The following CCT8 variants were observed in gnomAD, a reference collection of about 807,000 sequenced individuals.
CCT8 encodes the protein T-complex protein 1 subunit theta.
Under a neutral mutation model 65.7 loss-of-function variants are expected in CCT8, and 10 were observed. The ratio of observed to expected loss-of-function variants is 0.15; its 90% confidence interval spans 0.09 to 0.26. The LOEUF is 0.26. Ranked by LOEUF, CCT8 falls within the 10% of genes least tolerant of loss-of-function variation. The pLI is 1.00. For synonymous variants in CCT8, 199 were observed against 221.8 expected, an observed-to-expected ratio of 0.90 and a Z score of 0.92; for missense variants, 568 against 669.1, an observed-to-expected ratio of 0.85 and a Z score of 1.67.
intron 4 of CCT8, 73 bp downstream of exon 4, chr21:29,067,483 T>G (rs2085636797): frequency 1.6e-6 from 2 of 1,221,066 alleles, no homozygotes; most frequent in Non-Finnish European, 2.2e-6. Flanking sequence ...TAATAATGAT[T>G]TTAGTTTATG....
intron 7 of CCT8, 117 bp downstream of exon 7, chr21:29,064,851 T>C (rs1480243375): frequency 2.5e-6 from 2 of 791,142 alleles, no homozygotes; most frequent in Non-Finnish European, 4.0e-6. Context: ...CATAAAAAAA[T>C]AGGTAAGATC....
At chr21:29,057,123 C>T (rs1405524166) in intron 14 of CCT8, among the ~76,000 whole-genome samples, 3 of 150,144 alleles carry the variant, frequency 2.0e-5, no homozygotes, top group African/African-American at 7.3e-5. Flanking sequence ...AAAAAAAGCG[C>T]CACAAACCTC....
chr21:29,062,457 C>T (rs777785122), intron 9 of CCT8, 33 bp downstream of exon 9: 1 of 1,611,576 alleles, frequency 6.2e-7, no homozygotes, highest in South Asian at 1.1e-5. Flanking sequence ...CCATCTTGTT[C>T]AACTATCTTT....
At position 29,073,614 on chromosome 21, in the gene CCT8, A is replaced by C; in HGVS notation, c.-24T>G. ...ATGGCCAGCCTGCAGGAAGCAGTTC[A>C]CGCGACCGCTCGGAAGACCGCGGAG... On this transcript the variant is annotated 5_prime_UTR_variant, in exon 1 of 15. Coordinates refer to ENST00000286788, the MANE Select transcript of CCT8 (RefSeq NM_006585.4). 1 of 1,612,844 alleles carries C rather than the reference A, an allele frequency of 6.2e-7. No homozygotes were observed. Among genetic ancestry groups the C allele is most frequent in the South Asian group, 1.1e-5 (1 of 91,066 alleles).
Position 29,062,570 on chromosome 21 carries a change from A to G in CCT8, c.942-14T>C, listed in dbSNP as rs764929960. On this transcript the variant is annotated splice_polypyrimidine_tract_variant and intron_variant, in intron 8 of 14. Coordinates refer to ENST00000286788, the MANE Select transcript of CCT8 (RefSeq NM_006585.4). The stretch of plus-strand genomic sequence containing the variant: ...TTTGAGTTTAGCCTTTAAAAAACAC[A>G]AAGACCTTAATAAAAGTTTTAATCA... 4 of 1,606,828 alleles carry G rather than the reference A, an allele frequency of 2.5e-6. No homozygotes were observed. Among genetic ancestry groups the G allele is most frequent in the Admixed American group, 1.7e-5 (1 of 59,744 alleles).
intron 3 of CCT8, 136 bp from the exon 4 acceptor site, chr21:29,067,841 A>G: frequency 1.9e-6 from 1 of 520,662 alleles, no homozygotes; most frequent in Non-Finnish European, 3.1e-6. Flanking sequence ...ACACTGCTAT[A>G]CGCTACTTAT....
In CCT8 at chr21:29,061,430, T is replaced by G; in HGVS notation, c.1285-13A>C. ...GTCCAGGACATGTCTAAAACAAAAA[T>G]GCGTTAATTACTGTCTTTTATTCAA... On this transcript the variant is annotated splice_polypyrimidine_tract_variant and intron_variant, in intron 12 of 14. Coordinates refer to ENST00000286788, the MANE Select transcript of CCT8 (RefSeq NM_006585.4). 1 of 1,613,870 alleles carries G rather than the reference T, an allele frequency of 6.2e-7. No individual in the cohort carries two copies. The highest frequency in any genetic ancestry group is 1.1e-5 in the South Asian group (1 of 91,056).
intron 8 of CCT8, 52 bp downstream of exon 8, chr21:29,063,300 A>G: frequency 1.4e-6 from 2 of 1,449,218 alleles, no homozygotes; most frequent in Non-Finnish European, 1.9e-6. Flanking sequence ...TGTTTTCACC[A>G]CCAAAAAACC....
intron 14 of CCT8, chr21:29,059,679 TG>T (rs1473118734): frequency 6.6e-6 from 1 of 152,260 alleles, no homozygotes; most frequent in Non-Finnish European, 1.5e-5. Flanking sequence ...CCCGTTAATC[TG>T]GTACATAAAC....
At chr21:29,057,648 TAA>T (rs1491204785) in intron 14 of CCT8, among the ~76,000 whole-genome samples, 3 of 119,386 alleles carry the variant, frequency 2.5e-5, no homozygotes, top group African/African-American at 5.3e-5. Context: ...TAACATTTGA[TAA>T]TATATATATG....
intron 13 of CCT8, 114 bp downstream of exon 13, chr21:29,061,139 T>G (rs901342334): frequency 1.8e-4 from 153 of 847,728 alleles, no homozygotes; most frequent in Non-Finnish European, 2.6e-4. Context: ...AAGAAAATAA[T>G]CTGCTCCCAA....
intron 3 of CCT8, 41 bp downstream of exon 3, chr21:29,069,382 G>T: frequency 8.5e-7 from 1 of 1,179,994 alleles, no homozygotes; most frequent in Non-Finnish European, 1.2e-6. Context: ...TAATTTTGAT[G>T]TCACCAAAAT....
chr21:29,060,514 TA>T, intron 14 of CCT8, 26 bp downstream of exon 14: 1 of 1,610,648 alleles, frequency 6.2e-7, no homozygotes, highest in East Asian at 2.2e-5. Context: ...TGAGTATTTT[TA>T]AAGATCAAAA....
intron 10 of CCT8, 36 bp from the exon 11 acceptor site, chr21:29,062,279 CAAG>C: frequency 6.2e-7 from 1 of 1,605,192 alleles, no homozygotes; most frequent in Non-Finnish European, 8.5e-7. Flanking sequence ...TGATTAAATA[CAAG>C]AAGCTAAAGC....
chr21:29,059,304 G>A (rs2085537496), intron 14 of CCT8: 1 of 152,144 alleles, frequency 6.6e-6, no homozygotes, highest in Admixed American at 6.5e-5. Flanking sequence ...CAGTTGGATG[G>A]GTTCTTTAGA....
At chr21:29,072,913 T>A (rs1405944802) in intron 1 of CCT8, among the ~76,000 whole-genome samples, 1 of 152,172 alleles carries the variant, frequency 6.6e-6, no homozygotes, top group Non-Finnish European at 1.5e-5. Flanking sequence ...TCTCCATAAT[T>A]TAAAGACGAA....
chr21:29,069,325 C>A (rs1328793487), intron 3 of CCT8, 98 bp downstream of exon 3: 8 of 626,296 alleles, frequency 1.3e-5, no homozygotes, highest in Non-Finnish European at 2.2e-5. Context: ...GAAAAATAGT[C>A]CCTTATCCAA....
intron 14 of CCT8, among the ~76,000 whole-genome samples, chr21:29,057,255 T>C (rs2085508306): frequency 6.6e-6 from 1 of 150,994 alleles, no homozygotes; most frequent in East Asian, 2.0e-4. Context: ...CAATGCAACC[T>C]CTGCCTCCTG....
chr21:29,067,836 G>T, intron 3 of CCT8, 131 bp from the exon 4 acceptor site: 1 of 533,860 alleles, frequency 1.9e-6, no homozygotes. Context: ...CTGCTACACT[G>T]CTATACGCTA....
Sources: gnomAD v4.1 joint callset for allele counts (sites outside exome capture counted in the v4.1 genomes callset) on GRCh38, gnomAD v4.1.1 for gene constraint, MANE v1.5 for transcripts, NCBI Gene and HGNC (gene_info 2026-07-23, HGNC 2026-07-21) for gene names.